Variants in ADARB2 observed in about 807,000 individuals in gnomAD.
ADARB2 encodes inactive double-stranded RNA-specific editase B2.
Under a neutral mutation model 62.2 loss-of-function variants are expected in ADARB2, and 25 were observed. The observed-to-expected ratio is 0.40, with a 90% CI of 0.29 to 0.56. The LOEUF is 0.56. Among genes scored for constraint, ADARB2 ranks in the 20% least tolerant of loss-of-function variants. The pLI is 0.43. For missense variants in ADARB2, 1,071 were observed against 1,077.4 expected (o/e 0.99, Z 0.08); for synonymous variants, 572 against 500.8 (o/e 1.14, Z -1.90).
intron 3 of ADARB2, among the ~76,000 whole-genome samples, chr10:1,352,324 A>G (rs1263030001): frequency 6.6e-6 from 1 of 152,210 alleles, no homozygotes; most frequent in Non-Finnish European, 1.5e-5. Flanking sequence ...CAAAACCGTT[A>G]TATAAACTCA....
intron 1 of ADARB2, among the ~76,000 whole-genome samples, chr10:1,503,463 G>A (rs973257409): frequency 5.9e-5 from 9 of 152,002 alleles, no homozygotes; most frequent in South Asian, 2.1e-4. Flanking sequence ...AAGTCACAGG[G>A]AAGCACAAAA....
chr10:1,304,556 A>C (rs1054700992), intron 3 of ADARB2, among the ~76,000 whole-genome samples: 12 of 152,176 alleles, frequency 7.9e-5, no homozygotes, highest in Admixed American at 3.3e-4. Context: ...CTCCACCCCA[A>C]ATCAACAGAA....
At chr10:1,360,138 G>C (rs933652685) in intron 3 of ADARB2, among the ~76,000 whole-genome samples, 20 of 152,024 alleles carry the variant, frequency 1.3e-4, no homozygotes, top group Non-Finnish European at 2.6e-4. Flanking sequence ...TGGGACTGTG[G>C]GCAGAGAACC....
intron 3 of ADARB2, among the ~76,000 whole-genome samples, chr10:1,353,324 C>T (rs1351369410): frequency 9.2e-5 from 14 of 152,310 alleles, no homozygotes; most frequent in South Asian, 4.1e-4. Flanking sequence ...CTCTCCTAGC[C>T]GCTTCTAATC....
At chr10:1,203,404 A>C (rs1374967406) in intron 7 of ADARB2, among the ~76,000 whole-genome samples, 6 of 152,248 alleles carry the variant, frequency 3.9e-5, no homozygotes, top group African/African-American at 1.4e-4. Context: ...GGCAGGGAAC[A>C]GGACCGCCCT....
chr10:1,323,798 T>G (rs1184773180), intron 3 of ADARB2, among the ~76,000 whole-genome samples: 2 of 152,082 alleles, frequency 1.3e-5, no homozygotes, highest in Non-Finnish European at 2.9e-5. Flanking sequence ...CTATAAAACT[T>G]TTAGGAAAAA....
chr10:1,422,847 C>T (rs538898842), intron 1 of ADARB2, among the ~76,000 whole-genome samples: 81 of 152,282 alleles, frequency 5.3e-4, no homozygotes, highest in African/African-American at 1.7e-3. Flanking sequence ...TATGGCCACA[C>T]GCAAACTCCG....
chr10:1,633,552 C>CTATCTATCTATCTATCTATCTA (rs1833870788), intron 1 of ADARB2, among the ~76,000 whole-genome samples: 17 of 59,192 alleles, frequency 2.9e-4, no homozygotes, highest in African/African-American at 8.7e-4. Flanking sequence ...TATCTATCAT[C>CTATCTATCTATCTATCTATCTA]TATCTATCTA....
chr10:1,532,371 T>G (rs1400192080), intron 1 of ADARB2, among the ~76,000 whole-genome samples: 1 of 152,148 alleles, frequency 6.6e-6, no homozygotes, highest in Non-Finnish European at 1.5e-5. Context: ...GGAACCAACT[T>G]TCCCCCGTGA....
chr10:1,401,484 G>A (rs1424708410), intron 1 of ADARB2, among the ~76,000 whole-genome samples: 1 of 152,188 alleles, frequency 6.6e-6, no homozygotes, highest in African/African-American at 2.4e-5. Context: ...GCGCTGTTCG[G>A]GGCCTCCGGT....
chr10:1,295,182 T>A (rs905033361), intron 3 of ADARB2, among the ~76,000 whole-genome samples: 8 of 152,228 alleles, frequency 5.3e-5, no homozygotes. Flanking sequence ...GCTCGACATA[T>A]GACGTTTGTC....
chr10:1,468,098 G>A (rs898439497), intron 1 of ADARB2, among the ~76,000 whole-genome samples: 1 of 152,156 alleles, frequency 6.6e-6, no homozygotes, highest in African/African-American at 2.4e-5. Flanking sequence ...GACATTGTCA[G>A]GATCAACCTG....
intron 4 of ADARB2, among the ~76,000 whole-genome samples, chr10:1,244,991 C>T (rs768107242): frequency 1.3e-5 from 2 of 152,206 alleles, no homozygotes; most frequent in Non-Finnish European, 2.9e-5. Flanking sequence ...CCCTGAAGAT[C>T]TAGCTCTTCA....
rs962710685 is a variant in ADARB2 at position 1,178,919 on chromosome 10, C to T, written c.*4274G>A. 2.6e-5 allele frequency: 4 copies of T among 152,172 alleles called. No homozygotes were observed. Among genetic ancestry groups the T allele is most frequent in the African/African-American group, 9.7e-5 (4 of 41,442 alleles). The allele number at this position is 152,172 out of a possible 1,614,324, so 9.4% of individuals were successfully genotyped here. ...GGTAGTACATAAAAGGAAAGCCTCT[C>T]AGCTTCCCTTTGGTCTCTGTTAGAA... On this transcript the variant is annotated 3_prime_UTR_variant, in exon 10 of 10. Transcript: ENST00000381312.
rs984106575 is a variant in ADARB2, at chr10:1,466,141, C to T, written c.101-86981G>A. 9.2e-5 allele frequency among the ~76,000 whole-genome samples: 14 copies of T among 152,392 alleles called. No individual in the cohort carries two copies. In the East Asian group the frequency reaches 2.7e-3, roughly 29 times the overall value. ...GTAGTCCACTGCTGACTCCACAACT[C>T]TGCCCTTGTTCTTACACCAAAGCTC... On this transcript the variant is annotated intron_variant, in intron 1 of 9. Coordinates refer to ENST00000381312, the MANE Select transcript of ADARB2 (RefSeq NM_018702.4).
At chr10:1,731,993 A>G (rs896325832) in intron 1 of ADARB2, among the ~76,000 whole-genome samples, 17 of 152,212 alleles carry the variant, frequency 1.1e-4, no homozygotes, top group Admixed American at 7.9e-4. Flanking sequence ...TAAAACTGCA[A>G]TATCTGTTTT....
At position 1,616,176 on chromosome 10, in the gene ADARB2, G is replaced by A. The variant is rs554140387; in HGVS notation, c.100+120875C>T. ...TCCCATTTTTCTTGCCACCACATAG[G>A]AAGGGCATTGATGGTGGCTTGCATT... On this transcript the variant is annotated intron_variant, in intron 1 of 9. Coordinates refer to ENST00000381312, the MANE Select transcript of ADARB2 (RefSeq NM_018702.4). Among the ~76,000 whole-genome samples the A allele has an allele frequency of 4.6e-5, 7 of 152,346 alleles. No individual in the cohort carries two copies. The East Asian group carries it at 9.6e-4, about 21-fold the overall frequency.
chr10:1,593,837 T>C (rs1428902708), intron 1 of ADARB2, among the ~76,000 whole-genome samples: 1 of 152,222 alleles, frequency 6.6e-6, no homozygotes, highest in Non-Finnish European at 1.5e-5. Flanking sequence ...TTTGGGGGAA[T>C]TTTATAAGAA....
At chr10:1,540,331 G>A (rs1328050352) in intron 1 of ADARB2, among the ~76,000 whole-genome samples, 3 of 139,706 alleles carry the variant, frequency 2.1e-5, no homozygotes, top group Non-Finnish European at 4.8e-5. Context: ...ATGCCACCGA[G>A]GGCACGTCAG....
Sources: allele counts gnomAD v4.1 joint callset (sites outside exome capture counted in the v4.1 genomes callset), GRCh38; gene constraint gnomAD v4.1.1; transcripts MANE v1.5; gene names NCBI Gene and HGNC (gene_info 2026-07-23, HGNC 2026-07-21).